ATP8B3: variants seen among roughly 807,000 people sequenced by gnomAD.
The protein encoded by ATP8B3 is ATPase phospholipid transporting 8B3.
Under a neutral mutation model 140.9 loss-of-function variants are expected in ATP8B3, and 141 were observed. The observed-to-expected ratio is 1.00, with a 90% CI of 0.87 to 1.15. ATP8B3 has a LOEUF of 1.15. Ranked by LOEUF, ATP8B3 falls within the 50% of genes most tolerant of loss-of-function variation. The pLI, the probability that ATP8B3 is intolerant of heterozygous loss-of-function variation, is 0.00. For synonymous variants in ATP8B3, 765 were observed against 714.6 expected (o/e 1.07, Z -1.13); for missense variants, 1,874 against 1,740.6 (o/e 1.08, Z -1.36).
chr19:1,787,041 GGAGGAGAGGAGGA>G, intron 25 of ATP8B3, 49 bp downstream of exon 25: 1 of 1,429,058 alleles, frequency 7.0e-7, no homozygotes, highest in Admixed American at 2.0e-5. Flanking sequence ...CCCAAGGAGC[GGAGGAGAGGAGGA>G]GAGGCTAAGC....
In ATP8B3 at chr19:1,800,883, C is replaced by T. The variant is rs1211949580; in HGVS notation, c.1153-434G>A. Among the ~76,000 whole-genome samples the T allele has an allele frequency of 2.7e-5, 4 of 149,178 alleles. No homozygotes were observed. Among genetic ancestry groups the T allele is most frequent in the Non-Finnish European group, 5.9e-5 (4 of 67,584 alleles). On this transcript the variant is annotated intron_variant, in intron 12 of 28. Transcript: ENST00000310127. The surrounding 1 kb of genome is among the most constrained non-coding windows in gnomAD (Gnocchi z 4.4). The stretch of plus-strand genomic sequence containing the variant: ...TCGCTCTCTCTCCCAGGCTGGAGTG[C>T]AGTGGCGCGATCTTGGCTCACAGCA...
Position 1,811,518 on chromosome 19 carries a change from C to T in ATP8B3, c.219G>A (p.Arg73=), listed in dbSNP as rs1324667179. 5.0e-6 allele frequency: 8 copies of T among 1,612,130 alleles called. No individual in the cohort carries two copies. The highest frequency in any genetic ancestry group is 6.8e-6 in the Non-Finnish European group (8 of 1,179,766). The part of the protein sequence containing the change: ...PERRHKAQPG[R]ARKYEWRPEG... ...CTGGTCTCCATTCATACTTCCTAGC[C>T]CGGCCAGGCTGGGCCTTGTGCCTCC... is the stretch of plus-strand genomic sequence containing the variant. Residue 73 remains arginine, a synonymous_variant, in exon 2 of 29, where the codon CGG becomes CGA. Transcript: ENST00000310127.
In ATP8B3 at chr19:1,783,039, CT is replaced by C; in HGVS notation, c.3891del (p.Glu1298SerfsTer95). ...ATCTTCCTGAGGTGTCACTGTGACT[CT>C]TTTGGGCTCGAAGCTGCCTCTTCAT... ...PSDEEAASSP[K>X]ESQ On this transcript the variant is annotated frameshift_variant, in exon 29 of 29. Transcript: ENST00000310127. LOFTEE classifies it high-confidence loss of function. 1 of 1,606,930 alleles carries C rather than the reference CT, an allele frequency of 6.2e-7. No homozygotes were observed. The highest frequency in any genetic ancestry group is 8.5e-7 in the Non-Finnish European group (1 of 1,176,940).
At position 1,802,626 on chromosome 19, in the gene ATP8B3, C is replaced by A. The variant is rs150729522; in HGVS notation, c.924G>T (p.Ala308=). The A allele has an allele frequency of 5.0e-6, 8 of 1,610,730 alleles. No individual in the cohort carries two copies. Among genetic ancestry groups the A allele is most frequent in the African/African-American group, 1.3e-5 (1 of 74,948 alleles). Residue 308 remains alanine, a synonymous_variant, in exon 11 of 29, where the codon GCG becomes GCT. Coordinates refer to ENST00000310127, the MANE Select transcript of ATP8B3 (RefSeq NM_138813.4). ...ASFQGTVTCE[A]PNSRMHHFVG... ...CGAAGTGGTGCATCCGACTGTTAGGCGCCTCACACGTCACTGTGCCTGTGG... is the reference window on the plus strand; with the variant it reads ...CGAAGTGGTGCATCCGACTGTTAGGAGCCTCACACGTCACTGTGCCTGTGG...
At position 1,788,996 on chromosome 19, in the gene ATP8B3, G is replaced by A. The variant is rs201125681; in HGVS notation, c.2970C>T (p.Tyr990=). Residue 990 remains tyrosine, a synonymous_variant, in exon 24 of 29, where the codon TAC becomes TAT. Coordinates refer to ENST00000310127, the MANE Select transcript of ATP8B3 (RefSeq NM_138813.4). ...AGCGCAGGAACTTGCAGATCCGCAC[G>A]TAGGACCAGCGGCCGTGCACCAGCA... ...RLLLVHGRWS[Y]VRICKFLRYF... 3.1e-6 allele frequency: 5 copies of A among 1,610,450 alleles called. No homozygotes were observed. Among genetic ancestry groups the A allele is most frequent in the African/African-American group, 2.7e-5 (2 of 74,862 alleles).
chr19:1,796,947 C>T (rs923992652), intron 15 of ATP8B3, 27 bp downstream of exon 15: 27 of 1,612,752 alleles, frequency 1.7e-5, no homozygotes, highest in Non-Finnish European at 2.3e-5. Flanking sequence ...CCCTCACCGT[C>T]CCGCGCTGCA....
At chr19:1,787,961 G>C (rs2068361231) in intron 24 of ATP8B3, among the ~76,000 whole-genome samples, 1 of 152,078 alleles carries the variant, frequency 6.6e-6, no homozygotes. Context: ...AGGATCACTT[G>C]AACCCGGGAG....
At chr19:1,785,956 C>A (rs530796189) in intron 25 of ATP8B3, among the ~76,000 whole-genome samples, 13 of 150,530 alleles carry the variant, frequency 8.6e-5, no homozygotes, top group Non-Finnish European at 1.0e-4. Flanking sequence ...CATAGTGAAA[C>A]CCCCCATCTC....
rs1045520086 is a variant in ATP8B3, at chr19:1,794,764, C to G, written c.2055+1111G>C. On this transcript the variant is annotated intron_variant, in intron 18 of 28. Coordinates refer to ENST00000310127, the MANE Select transcript of ATP8B3 (RefSeq NM_138813.4). The surrounding 1 kb of genome is among the most constrained non-coding windows in gnomAD (Gnocchi z 4.8). ...GAGTGGGGAAGTCACAAGCCAGAAA[C>G]TGGGTCCTAGGGAGTCCCTTGGTGA... 2.0e-5 allele frequency among the ~76,000 whole-genome samples: 3 copies of G among 152,124 alleles called. No individual in the cohort carries two copies. The highest frequency in any genetic ancestry group is 7.2e-5 in the African/African-American group (3 of 41,442).
Position 1,805,730 on chromosome 19 carries a change from A to G in ATP8B3, c.821+158T>C, listed in dbSNP as rs2068990746. Among the ~76,000 whole-genome samples the G allele has an allele frequency of 2.6e-5, 4 of 152,080 alleles. No individual in the cohort carries two copies. The highest frequency in any genetic ancestry group is 2.6e-4 in the Admixed American group (4 of 15,268). On this transcript the variant is annotated intron_variant, in intron 9 of 28. Transcript: ENST00000310127. This position sits in a 1 kb window ranked among gnomAD's most constrained non-coding sequence, Gnocchi z 5.2. ...GGAGGGTGGGCGTCTTCCTCCCCTCAGTGCCTGGCAGCACCCACGCCCCAG... is the reference window on the plus strand; with the variant it reads ...GGAGGGTGGGCGTCTTCCTCCCCTCGGTGCCTGGCAGCACCCACGCCCCAG...
rs773386718 is a variant in ATP8B3 at position 1,805,775 on chromosome 19, C to T, written c.821+113G>A. ...CCCCAGACACTCATGGGGTGAGTGA[C>T]CAAAGTCTCTGAGCGACCTTGGCTG... On this transcript the variant is annotated intron_variant, in intron 9 of 28. Transcript: ENST00000310127. The surrounding 1 kb of genome is among the most constrained non-coding windows in gnomAD (Gnocchi z 5.2). The T allele has an allele frequency of 7.4e-7, 1 of 1,347,096 alleles. No individual in the cohort carries two copies. Among genetic ancestry groups the T allele is most frequent in the Admixed American group, 1.9e-5 (1 of 51,942 alleles). The allele number at this position is 1,347,096 out of a possible 1,614,324, so 83.4% of individuals were successfully genotyped here.
At chr19:1,808,175 T>C in intron 5 of ATP8B3, 47 bp downstream of exon 5, 1 of 1,450,812 alleles carries the variant, frequency 6.9e-7, no homozygotes, top group Non-Finnish European at 9.6e-7. Context: ...ACATCGATGC[T>C]GCCAGGTGGC....
At chr19:1,797,718 T>C (rs2068725815) in intron 14 of ATP8B3, among the ~76,000 whole-genome samples, 2 of 151,836 alleles carry the variant, frequency 1.3e-5, no homozygotes, top group Admixed American at 1.3e-4. Flanking sequence ...CAGGCTGGTC[T>C]CAAACTCCTG....
At chr19:1,792,512 G>A (rs1216713173) in intron 18 of ATP8B3, among the ~76,000 whole-genome samples, 7 of 150,218 alleles carry the variant, frequency 4.7e-5, no homozygotes, top group African/African-American at 9.8e-5. Flanking sequence ...CTTGGGAGGC[G>A]GAGGTTGCAG....
intron 10 of ATP8B3, among the ~76,000 whole-genome samples, chr19:1,803,234 G>A (rs2068907755): frequency 6.6e-6 from 1 of 152,174 alleles, no homozygotes; most frequent in South Asian, 2.1e-4. Flanking sequence ...AGCATTCAGT[G>A]AGGGTTAAAA....
intron 20 of ATP8B3, 32 bp from the exon 21 acceptor site, chr19:1,790,864 A>AC (rs2068485584): frequency 6.4e-7 from 1 of 1,552,262 alleles, no homozygotes; most frequent in Non-Finnish European, 8.7e-7. Context: ...CGCCTCTGCG[A>AC]CCCGCCCCGC....
At chr19:1,791,704 A>G (rs1199638586) in intron 20 of ATP8B3, 46 bp downstream of exon 20, 2 of 1,421,250 alleles carry the variant, frequency 1.4e-6, no homozygotes, top group Non-Finnish European at 2.0e-6. Flanking sequence ...AAGTTTGAAG[A>G]CCCATGCTGC....
chr19:1,809,623 G>T lies in ATP8B3; in HGVS notation c.402+20C>A, dbSNP rs752455467. The T allele has an allele frequency of 6.3e-7, 1 of 1,581,810 alleles. No homozygotes were observed. The highest frequency in any genetic ancestry group is 1.1e-5 in the South Asian group (1 of 87,030). ...ACGGCAGCTCCTCTGGAGCAGGGAGGCGCGGGAGGGGCCGCCCACCTTGTA... is the reference window on the plus strand; with the variant it reads ...ACGGCAGCTCCTCTGGAGCAGGGAGTCGCGGGAGGGGCCGCCCACCTTGTA... On this transcript the variant is annotated intron_variant, in intron 4 of 28. Coordinates refer to ENST00000310127, the MANE Select transcript of ATP8B3 (RefSeq NM_138813.4).
At chr19:1,808,488 G>T (rs1292817494) in intron 4 of ATP8B3, among the ~76,000 whole-genome samples, 153 bp from the exon 5 acceptor site, 1 of 152,150 alleles carries the variant, frequency 6.6e-6, no homozygotes, top group Non-Finnish European at 1.5e-5. Context: ...TGAGCCAGCA[G>T]TTACTGAGCA....
Sources: allele counts gnomAD v4.1 joint callset (sites outside exome capture counted in the v4.1 genomes callset), GRCh38; gene constraint gnomAD v4.1.1; non-coding constraint Gnocchi (gnomAD v3.1); transcripts MANE v1.5; gene names NCBI Gene and HGNC (gene_info 2026-07-23, HGNC 2026-07-21).